PRELID2: variants seen among roughly 807,000 people sequenced by gnomAD.
PRELID2 encodes the protein PRELI domain containing 2.
A neutral mutation model predicts 28.4 loss-of-function variants in PRELID2; 25 were observed. The observed-to-expected ratio is 0.88, with a 90% CI of 0.64 to 1.23. PRELID2 has a LOEUF of 1.23. Ranked by LOEUF, PRELID2 falls within the 50% of genes most tolerant of loss-of-function variation. The pLI, the probability that PRELID2 is intolerant of heterozygous loss-of-function variation, is 0.00. For synonymous variants in PRELID2, 76 were observed against 71.6 expected (o/e 1.06, Z -0.31); for missense variants, 201 against 214.4 (o/e 0.94, Z 0.39).
At chr5:145,619,720 A>G (rs1293084978) in intron 1 of PRELID2, among the ~76,000 whole-genome samples, 2 of 152,216 alleles carry the variant, frequency 1.3e-5, no homozygotes, top group Non-Finnish European at 2.9e-5. Context: ...CCTGCCTCGC[A>G]TCCACCATGA....
chr5:145,790,298 G>A (rs936363510), intron 5 of PRELID2, among the ~76,000 whole-genome samples: 2 of 152,116 alleles, frequency 1.3e-5, no homozygotes, highest in Admixed American at 6.5e-5. Flanking sequence ...AGTACACAGT[G>A]GAGTACTAGT....
chr5:145,751,753 G>A (rs369622392), downstream of PRELID2, among the ~76,000 whole-genome samples: 58 of 152,202 alleles, frequency 3.8e-4, no homozygotes, highest in East Asian at 1.9e-3. Context: ...AGGCCGAGGC[G>A]GGTGGATCAC....
the PRELID2 span, among the ~76,000 whole-genome samples, chr5:145,271,879 T>C: frequency 6.6e-6 from 1 of 152,192 alleles, no homozygotes; most frequent in African/African-American, 2.4e-5. Flanking sequence ...CTGTGAGTTA[T>C]TGAAGCATTT....
chr5:145,574,089 GCAAT>G (rs1753038649), intron 1 of PRELID2, among the ~76,000 whole-genome samples: 1 of 152,156 alleles, frequency 6.6e-6, no homozygotes, highest in Admixed American at 6.5e-5. Context: ...TGGACCCAAT[GCAAT>G]CACAGGATCC....
intron 4 of PRELID2, among the ~76,000 whole-genome samples, chr5:145,802,944 G>A (rs1272075886): frequency 2.0e-5 from 3 of 152,170 alleles, no homozygotes; most frequent in African/African-American, 7.2e-5. Context: ...CAGTTTCCGG[G>A]AAAGCAAAAG....
intron 1 of PRELID2, among the ~76,000 whole-genome samples, chr5:145,578,009 CA>C (rs550200881): frequency 6.4e-4 from 97 of 152,128 alleles, no homozygotes; most frequent in Admixed American, 1.2e-3. Flanking sequence ...ATCCTCCTCT[CA>C]ATCCATCCAG....
chr5:145,742,338 T>TTC (rs70998034), intron 1 of PRELID2, among the ~76,000 whole-genome samples: 1 of 144,490 alleles, frequency 6.9e-6, no homozygotes. Flanking sequence ...ATTTTTTTTT[T>TTC]CTGGCTACAT....
chr5:145,661,186 C>G (rs1028565305), intron 1 of PRELID2, among the ~76,000 whole-genome samples: 3 of 152,156 alleles, frequency 2.0e-5, no homozygotes, highest in African/African-American at 7.2e-5. Context: ...ACAAAACACT[C>G]TAGAATAGTG....
intron 1 of PRELID2, among the ~76,000 whole-genome samples, chr5:145,729,751 G>A (rs541655247): frequency 6.6e-6 from 1 of 152,262 alleles, no homozygotes; most frequent in African/African-American, 2.4e-5. Flanking sequence ...AGGAATGTTG[G>A]GGTGATCAGA....
chr5:145,811,729 A>G (rs1033345231), intron 4 of PRELID2, among the ~76,000 whole-genome samples: 1 of 152,238 alleles, frequency 6.6e-6, no homozygotes, highest in Non-Finnish European at 1.5e-5. Context: ...AGCCAGACAC[A>G]GAAAAATAAG....
chr5:145,325,060 A>T, the PRELID2 span, among the ~76,000 whole-genome samples: 1 of 152,190 alleles, frequency 6.6e-6, no homozygotes, highest in Non-Finnish European at 1.5e-5. Context: ...TTCAGTCATG[A>T]CACTTTCCTA....
the PRELID2 span, among the ~76,000 whole-genome samples, chr5:145,279,157 A>G: frequency 5.4e-4 from 82 of 152,290 alleles, no homozygotes; most frequent in Admixed American, 5.4e-3. Context: ...GGCTTCCAGA[A>G]TAGGAGGCTG....
chr5:145,422,479 A>G, the PRELID2 span, among the ~76,000 whole-genome samples: 1 of 152,048 alleles, frequency 6.6e-6, no homozygotes, highest in Non-Finnish European at 1.5e-5. Flanking sequence ...TCCCTTTACC[A>G]TTATGTAATG....
rs996917679 is a variant in PRELID2, at chr5:145,758,729, G to GAAA, written c.*1804_*1806dup. ...CCTACCAAATGCCATCTACAAATTG[G>GAAA]AAAAAAAAGGTCAAAGTGTGTTTTA... is the stretch of plus-strand genomic sequence containing the variant. On this transcript the variant is annotated 3_prime_UTR_variant, in exon 7 of 7. Coordinates refer to ENST00000683046, the MANE Select transcript of PRELID2 (RefSeq NM_205846.3). 5.3e-5 allele frequency among the ~76,000 whole-genome samples: 8 copies of GAAA among 151,374 alleles called. No individual in the cohort carries two copies. Among genetic ancestry groups the GAAA allele is most frequent in the Admixed American group, 3.9e-4 (6 of 15,192 alleles).
intron 1 of PRELID2, among the ~76,000 whole-genome samples, chr5:145,543,385 C>T (rs1321091106): frequency 7.9e-5 from 12 of 151,972 alleles, no homozygotes; most frequent in Admixed American, 7.9e-4. Context: ...TCTATATGGG[C>T]CTAAGAGAAT....
intron 5 of PRELID2, among the ~76,000 whole-genome samples, chr5:145,782,137 T>G (rs1247688037): frequency 1.3e-5 from 2 of 152,170 alleles, no homozygotes; most frequent in East Asian, 3.9e-4. Flanking sequence ...GAGGACATTT[T>G]TCCCTATAGT....
At chr5:145,694,584 G>A (rs1050649317) in intron 1 of PRELID2, among the ~76,000 whole-genome samples, 5 of 152,054 alleles carry the variant, frequency 3.3e-5, no homozygotes, top group Admixed American at 2.6e-4. Flanking sequence ...TGAAGTCCAC[G>A]GTATGAAGTA....
rs1193653585 is a variant in PRELID2, at chr5:145,758,250, G to A, written c.*2286C>T. Among the ~76,000 whole-genome samples the A allele has an allele frequency of 1.3e-5, 2 of 151,930 alleles. No homozygotes were observed. The highest frequency in any genetic ancestry group is 2.4e-5 in the African/African-American group (1 of 41,366). On this transcript the variant is annotated 3_prime_UTR_variant, in exon 7 of 7. Transcript: ENST00000683046. Reference sequence around the variant, plus strand: ...CCAACGACACAACCGCACTGTGCTGGAACCGGGCACACAAGGCAGAAATTC... The same window carrying A: ...CCAACGACACAACCGCACTGTGCTGAAACCGGGCACACAAGGCAGAAATTC...
chr5:145,420,568 T>C, the PRELID2 span, among the ~76,000 whole-genome samples: 2 of 137,302 alleles, frequency 1.5e-5, no homozygotes, highest in African/African-American at 5.3e-5. Context: ...CTTGTGATTT[T>C]TGTACATTGA....
Sources: gnomAD v4.1 joint callset for allele counts (sites outside exome capture counted in the v4.1 genomes callset) on GRCh38, gnomAD v4.1.1 for gene constraint, MANE v1.5 for transcripts, NCBI Gene and HGNC (gene_info 2026-07-23, HGNC 2026-07-21) for gene names.